ZDHHC21: variants seen among roughly 807,000 people sequenced by gnomAD.
ZDHHC21 encodes palmitoyltransferase ZDHHC21.
Under a neutral mutation model 34.6 loss-of-function variants are expected in ZDHHC21, and 15 were observed. That is an observed-to-expected ratio of 0.43 (90% CI 0.29 to 0.67). The LOEUF is 0.67. Ranked by LOEUF, ZDHHC21 falls within the 30% of genes least tolerant of loss-of-function variation. The probability of loss-of-function intolerance (pLI) is 0.14; values close to 1 mark genes in which losing one functional copy is unlikely to be tolerated. For synonymous variants in ZDHHC21, 142 were observed against 101.8 expected (o/e 1.40, Z -2.38); for missense variants, 344 against 327.7 (o/e 1.05, Z -0.38).
At chr9:14,597,096 G>A in the ZDHHC21 span, among the ~76,000 whole-genome samples, 3 of 152,094 alleles carry the variant, frequency 2.0e-5, no homozygotes, top group Non-Finnish European at 4.4e-5. Context: ...CTAGTATAGG[G>A]AAATGCCTGA....
intron 9 of ZDHHC21, 22 bp downstream of exon 9, chr9:14,619,617 T>TAC (rs752044957): frequency 1.3e-5 from 18 of 1,394,118 alleles, no homozygotes; most frequent in Non-Finnish European, 1.8e-5. Flanking sequence ...AATAATACTA[T>TAC]ACACTTCAGT....
intron 2 of ZDHHC21, among the ~76,000 whole-genome samples, chr9:14,686,357 G>A (rs1838320246): frequency 6.6e-6 from 1 of 152,236 alleles, no homozygotes; most frequent in South Asian, 2.1e-4. Context: ...TTCACACTTA[G>A]GCTCTAGGTG....
chr9:14,607,730 A>G (rs1823060988), downstream of ZDHHC21, among the ~76,000 whole-genome samples: 1 of 152,188 alleles, frequency 6.6e-6, no homozygotes, highest in African/African-American at 2.4e-5. Flanking sequence ...AAAAACATCT[A>G]TCAGTATGCT....
chr9:14,649,636 A>G (rs1424172953), intron 7 of ZDHHC21, among the ~76,000 whole-genome samples: 1 of 152,118 alleles, frequency 6.6e-6, no homozygotes, highest in African/African-American at 2.4e-5. Context: ...AGTGAAACAA[A>G]TAATTATTTA....
chr9:14,672,963 T>A (rs754266618), intron 4 of ZDHHC21, 35 bp from the exon 5 acceptor site: 1 of 1,318,400 alleles, frequency 7.6e-7, no homozygotes, highest in Non-Finnish European at 1.0e-6. Context: ...ATTAGTCACT[T>A]ACCCTTCAAA....
In ZDHHC21 at chr9:14,613,877, C is replaced by T. The variant is rs1192335130; in HGVS notation, c.*5089G>A. 2 of 151,704 alleles carry T rather than the reference C, an allele frequency of 1.3e-5. No individual in the cohort carries two copies. The highest frequency in any genetic ancestry group is 4.8e-5 in the African/African-American group (2 of 41,410). 9.4% of individuals were successfully genotyped at this position (151,704 alleles called of 1,614,324 possible). A position where few individuals can be genotyped will look rare whatever the true frequency, so the allele number is the denominator to read the frequency against. ...TTCATTTCTCCTCTGCATTAAATAGCTGAGTTTTCCACATTATTTTTAACA... is the reference window on the plus strand; with the variant it reads ...TTCATTTCTCCTCTGCATTAAATAGTTGAGTTTTCCACATTATTTTTAACA... On this transcript the variant is annotated 3_prime_UTR_variant, in exon 10 of 10. Transcript: ENST00000380916.
rs191262053 is a variant in ZDHHC21 at position 14,628,410 on chromosome 9, A to C, written c.622-8728T>G. On this transcript the variant is annotated intron_variant, in intron 8 of 9. Coordinates refer to ENST00000380916, the MANE Select transcript of ZDHHC21 (RefSeq NM_178566.6). Reference sequence around the variant, plus strand: ...TGGTAAAAAATTACTGAAAAGTGATATGCTGCTTCCCTGAAACCTCAAGCT... The same window carrying C: ...TGGTAAAAAATTACTGAAAAGTGATCTGCTGCTTCCCTGAAACCTCAAGCT... 1.6e-3 allele frequency among the ~76,000 whole-genome samples: 251 copies of C among 152,328 alleles called. 2 individuals carry two copies. Among genetic ancestry groups the C allele is most frequent in the African/African-American group, 5.9e-3 (246 of 41,584 alleles).
At chr9:14,607,575 G>A (rs140580490), downstream of ZDHHC21, among the ~76,000 whole-genome samples, 296 of 151,452 alleles carry the variant, frequency 2.0e-3, 1 homozygote, top group African/African-American at 6.9e-3. Context: ...TTTTGGTAAC[G>A]GCAATTTTTT....
At position 14,659,962 on chromosome 9, in the gene ZDHHC21, T is replaced by C. The variant is rs573286422; in HGVS notation, c.366-1075A>G. ...TCCATCTTTCCTGTCCCCAGGAAGTTTGAGAAACAATGTCTATGATCACAG... is the reference window on the plus strand; with the variant it reads ...TCCATCTTTCCTGTCCCCAGGAAGTCTGAGAAACAATGTCTATGATCACAG... On this transcript the variant is annotated intron_variant, in intron 6 of 9. Transcript: ENST00000380916. Among the ~76,000 whole-genome samples, 41 of 152,292 alleles carry C rather than the reference T, an allele frequency of 2.7e-4. 1 individual carries two copies. The East Asian group carries it at 2.7e-3, about 10-fold the overall frequency.
chr9:14,601,212 C>A, the ZDHHC21 span, among the ~76,000 whole-genome samples: 1 of 152,192 alleles, frequency 6.6e-6, no homozygotes, highest in South Asian at 2.1e-4. Flanking sequence ...GGTGAACAGG[C>A]AACCTACAGA....
the ZDHHC21 span, among the ~76,000 whole-genome samples, chr9:14,592,508 C>T: frequency 1.3e-5 from 2 of 151,994 alleles, no homozygotes; most frequent in Non-Finnish European, 2.9e-5. Context: ...CAAGAGCACT[C>T]TCAAATACAT....
chr9:14,657,540 T>C (rs1443505463), intron 7 of ZDHHC21, among the ~76,000 whole-genome samples: 1 of 152,126 alleles, frequency 6.6e-6, no homozygotes, highest in Admixed American at 6.5e-5. Context: ...GTTAATATTT[T>C]AGGCTTTACA....
chr9:14,641,388 A>G (rs1465777151), intron 7 of ZDHHC21, among the ~76,000 whole-genome samples: 1 of 152,208 alleles, frequency 6.6e-6, no homozygotes, highest in Non-Finnish European at 1.5e-5. Context: ...GGGCCTGTGG[A>G]TGACATAAAA....
Position 14,662,259 on chromosome 9 carries a change from G to A in ZDHHC21, c.321C>T (p.Ser107=). The A allele has an allele frequency of 6.2e-7, 1 of 1,613,108 alleles. No homozygotes were observed. The highest frequency in any genetic ancestry group is 8.5e-7 in the Non-Finnish European group (1 of 1,179,596). ...TTCTCCTCACACAGTGGCCGCAGCG[G>A]CTACAGTGATGGGAACGCTTTGGTC... ...LMRPKRSHHC[S]RCGHCVRRMD... is the part of the protein sequence containing the mutation. The change falls in exon 6 of 10, where the codon AGC becomes AGT. Residue 107 remains serine, a synonymous_variant. Coordinates refer to ENST00000380916, the MANE Select transcript of ZDHHC21 (RefSeq NM_178566.6).
At chr9:14,657,513 T>C (rs914050089) in intron 7 of ZDHHC21, among the ~76,000 whole-genome samples, 1 of 15,648 alleles carries the variant, frequency 6.4e-5, no homozygotes, top group Non-Finnish European at 1.7e-4. Flanking sequence ...GCAAAGTTAC[T>C]GTAAAAGAGC....
At chr9:14,675,571 A>C (rs778147600) in intron 3 of ZDHHC21, among the ~76,000 whole-genome samples, 11 of 151,918 alleles carry the variant, frequency 7.2e-5, no homozygotes, top group Non-Finnish European at 1.0e-4. Flanking sequence ...ATGTTACCAC[A>C]ATGAGTTGAA....
intron 8 of ZDHHC21, among the ~76,000 whole-genome samples, chr9:14,622,357 T>G (rs529363956): frequency 6.6e-6 from 1 of 151,798 alleles, no homozygotes; most frequent in South Asian, 2.1e-4. Flanking sequence ...GTCTAAAAAA[T>G]TATGTTGACT....
At chr9:14,670,806 C>G (rs1835301891) in intron 5 of ZDHHC21, among the ~76,000 whole-genome samples, 1 of 151,976 alleles carries the variant, frequency 6.6e-6, no homozygotes, top group Admixed American at 6.6e-5. Flanking sequence ...AAAAATCCAG[C>G]AATTTAATTG....
chr9:14,603,445 T>C, the ZDHHC21 span, among the ~76,000 whole-genome samples: 4 of 152,082 alleles, frequency 2.6e-5, no homozygotes, highest in Non-Finnish European at 4.4e-5. Flanking sequence ...AGGACACAAA[T>C]GACACTGCAA....
Sources: allele counts gnomAD v4.1 joint callset (sites outside exome capture counted in the v4.1 genomes callset), GRCh38; gene constraint gnomAD v4.1.1; transcripts MANE v1.5; gene names NCBI Gene and HGNC (gene_info 2026-07-23, HGNC 2026-07-21).